PCDHGA1: variants seen among roughly 807,000 people sequenced by gnomAD.
PCDHGA1 encodes protocadherin gamma subfamily A, 1, also known as protocadherin gamma-A1.
Under a neutral mutation model 58.0 loss-of-function variants are expected in PCDHGA1, and 32 were observed. That is an observed-to-expected ratio of 0.55 (90% CI 0.42 to 0.74). The LOEUF (loss-of-function observed/expected upper bound fraction) is 0.74, where lower values mean the gene tolerates loss of function less well. Ranked by LOEUF, PCDHGA1 falls within the 30% of genes least tolerant of loss-of-function variation. PCDHGA1 has a pLI of 0.00. For missense variants in PCDHGA1, 1,205 were observed against 1,182.3 expected, an observed-to-expected ratio of 1.02 and a Z score of -0.28; for synonymous variants, 498 against 501.1, an observed-to-expected ratio of 0.99 and a Z score of 0.08.
At chr5:141,415,012 C>T (rs1451963535) in intron 1 of PCDHGA1, 2 of 1,613,644 alleles carry the variant, frequency 1.2e-6, no homozygotes, top group South Asian at 1.1e-5. Context: ...CTACCGTCTG[C>T]TCAAGGCCAG....
At chr5:141,387,602 G>A in intron 1 of PCDHGA1, 3 of 545,116 alleles carry the variant, frequency 5.5e-6, no homozygotes, top group Middle Eastern at 9.5e-4. Context: ...AGCAGCAGAG[G>A]CTGTAGTTTC....
At chr5:141,383,802 A>G in intron 1 of PCDHGA1, 1 of 1,613,998 alleles carries the variant, frequency 6.2e-7, no homozygotes, top group Non-Finnish European at 8.5e-7. Context: ...CAGGAGAAAT[A>G]TCAACTTTAG....
chr5:141,481,167 A>C (rs77180710), intron 1 of PCDHGA1, among the ~76,000 whole-genome samples: 2,577 of 152,328 alleles, frequency 0.017, 78 homozygotes, highest in African/African-American at 0.059. Flanking sequence ...GCAGAACCAG[A>C]ATCCAGCTTT....
intron 1 of PCDHGA1, chr5:141,439,852 G>A (rs182049678): frequency 1.3e-5 from 2 of 152,474 alleles, no homozygotes; most frequent in African/African-American, 4.8e-5. Context: ...CTGTGGAAAA[G>A]GTGGGGAATG....
intron 1 of PCDHGA1, chr5:141,409,208 G>A: frequency 6.2e-7 from 1 of 1,613,984 alleles, no homozygotes; most frequent in South Asian, 1.1e-5. Context: ...AGTAATCATA[G>A]AAATCCTTGA....
intron 1 of PCDHGA1, chr5:141,403,036 C>T: frequency 1.9e-6 from 3 of 1,614,080 alleles, no homozygotes; most frequent in Non-Finnish European, 2.5e-6. Context: ...AGGCCAGGGC[C>T]AGTCAGATTC....
At chr5:141,499,127 A>G (rs1198571084) in intron 2 of PCDHGA1, among the ~76,000 whole-genome samples, 1 of 152,134 alleles carries the variant, frequency 6.6e-6, no homozygotes, top group Non-Finnish European at 1.5e-5. Flanking sequence ...TTCTCAGGTC[A>G]TCCTTTGGGT....
intron 1 of PCDHGA1, chr5:141,361,398 C>A: frequency 6.2e-7 from 1 of 1,614,006 alleles, no homozygotes; most frequent in African/African-American, 1.3e-5. Context: ...ACAATCTCAC[C>A]ATCACAGCCA....
intron 1 of PCDHGA1, chr5:141,339,749 C>A (rs145851665): frequency 2.3e-5 from 37 of 1,613,952 alleles, no homozygotes; most frequent in Non-Finnish European, 3.1e-5. Flanking sequence ...CGTGGGCACC[C>A]GGATACTCAC....
At position 141,362,111 on chromosome 5, in the gene PCDHGA1, C is replaced by T; in HGVS notation, c.2421+29006C>T. The T allele has an allele frequency of 1.9e-6, 3 of 1,614,022 alleles. No individual in the cohort carries two copies. The highest frequency in any genetic ancestry group is 2.2e-5 in the East Asian group (1 of 44,872). ...CAGCCGCCACTCTCCGCTACGGCCACGCTGCACCTAATCTTCGCGGATAGC... is the reference window on the plus strand; with the variant it reads ...CAGCCGCCACTCTCCGCTACGGCCATGCTGCACCTAATCTTCGCGGATAGC... On this transcript the variant is annotated intron_variant, in intron 1 of 3. Transcript: ENST00000517417.
chr5:141,490,412 C>T lies in PCDHGA1; in HGVS notation c.2422-4395C>T, dbSNP rs2233605. 10 of 1,614,062 alleles carry T rather than the reference C, an allele frequency of 6.2e-6. No homozygotes were observed. The highest frequency in any genetic ancestry group is 4.0e-5 in the African/African-American group (3 of 74,910). Reference sequence around the variant, plus strand: ...GGTGAAGTGAGCCTTGATATCTCTCCGGACCTGCCATTTCAGATTAAGCCT... The same window carrying T: ...GGTGAAGTGAGCCTTGATATCTCTCTGGACCTGCCATTTCAGATTAAGCCT... On this transcript the variant is annotated intron_variant, in intron 1 of 3. Transcript: ENST00000517417. This position sits in a 1 kb window ranked among gnomAD's most constrained non-coding sequence, Gnocchi z 5.4.
intron 1 of PCDHGA1, among the ~76,000 whole-genome samples, chr5:141,465,048 AT>A (rs905091014): frequency 4.0e-5 from 6 of 151,346 alleles, no homozygotes; most frequent in African/African-American, 9.7e-5. Context: ...GACCCTATAT[AT>A]TTTTTTGAAT....
intron 1 of PCDHGA1, among the ~76,000 whole-genome samples, chr5:141,439,422 A>C (rs1476209707): frequency 6.6e-6 from 1 of 152,188 alleles, no homozygotes; most frequent in Non-Finnish European, 1.5e-5. Context: ...TGAGGTTATA[A>C]ATTCCCAGGA....
intron 1 of PCDHGA1, chr5:141,375,864 T>G: frequency 6.2e-7 from 1 of 1,613,866 alleles, no homozygotes; most frequent in African/African-American, 1.3e-5. Context: ...GTGGTGGCGG[T>G]GGACAGAGAC....
At position 141,334,818 on chromosome 5, in the gene PCDHGA1, G is replaced by T. The variant is rs922070412; in HGVS notation, c.2421+1713G>T. Reference sequence around the variant, plus strand: ...GACCTAGTTATGGCCTGGGACCTGAGGTCAGATAGAAACTATTTCAAAACC... The same window carrying T: ...GACCTAGTTATGGCCTGGGACCTGATGTCAGATAGAAACTATTTCAAAACC... On this transcript the variant is annotated intron_variant, in intron 1 of 3. Coordinates refer to ENST00000517417, the MANE Select transcript of PCDHGA1 (RefSeq NM_018912.3). The surrounding 1 kb of genome is among the most constrained non-coding windows in gnomAD (Gnocchi z 4.6). Among the ~76,000 whole-genome samples, 25 of 152,012 alleles carry T rather than the reference G, an allele frequency of 1.6e-4. No homozygotes were observed. Among genetic ancestry groups the T allele is most frequent in the African/African-American group, 6.0e-4 (25 of 41,390 alleles).
At chr5:141,387,782 A>C in intron 1 of PCDHGA1, 2 of 1,466,298 alleles carry the variant, frequency 1.4e-6, no homozygotes, top group Non-Finnish European at 1.8e-6. Context: ...TTGAACTGGA[A>C]CTGCAACTAA....
At position 141,394,297 on chromosome 5, in the gene PCDHGA1, C is replaced by T. The variant is rs375160983; in HGVS notation, c.2421+61192C>T. 8.1e-6 allele frequency: 13 copies of T among 1,613,872 alleles called. No homozygotes were observed. Among genetic ancestry groups the T allele is most frequent in the African/African-American group, 1.3e-5 (1 of 74,926 alleles). ...GTCACTTACTCTGTGACCGAGGACA[C>T]GCTGCAGGGGGCGCCCCTGTCCTCG... On this transcript the variant is annotated intron_variant, in intron 1 of 3. Coordinates refer to ENST00000517417, the MANE Select transcript of PCDHGA1 (RefSeq NM_018912.3).
rs560197175 is a variant in PCDHGA1, at chr5:141,434,430, G to A, written c.2422-60377G>A. Among the ~76,000 whole-genome samples the A allele has an allele frequency of 2.4e-4, 36 of 152,326 alleles. 1 individual carries two copies. In the South Asian group the frequency reaches 6.4e-3, roughly 27 times the overall value. On this transcript the variant is annotated intron_variant, in intron 1 of 3. Coordinates refer to ENST00000517417, the MANE Select transcript of PCDHGA1 (RefSeq NM_018912.3). ...GCACTGTGACATGTTCATGATGGCC[G>A]TAATGCCCATGCTGGAAGGTAGTGG...
At chr5:141,337,682 T>C (rs901552349) in intron 1 of PCDHGA1, among the ~76,000 whole-genome samples, 4 of 152,212 alleles carry the variant, frequency 2.6e-5, no homozygotes, top group Non-Finnish European at 5.9e-5. Context: ...GATGAAAAAG[T>C]TCTGGAAGTG....
Sources: gnomAD v4.1 joint callset for allele counts (sites outside exome capture counted in the v4.1 genomes callset) on GRCh38, gnomAD v4.1.1 for gene constraint, Gnocchi (gnomAD v3.1) non-coding constraint, MANE v1.5 for transcripts, NCBI Gene and HGNC (gene_info 2026-07-23, HGNC 2026-07-21) for gene names.